The following PSTPIP2 variants were observed in gnomAD, a reference collection of about 807,000 sequenced individuals.
PSTPIP2 encodes the protein proline-serine-threonine phosphatase-interacting protein 2.
In PSTPIP2, 33 loss-of-function variants were observed where a neutral mutation model predicts 63.3. The observed-to-expected ratio is 0.52, with a 90% CI of 0.40 to 0.70. PSTPIP2 has a LOEUF of 0.70. PSTPIP2 is among the 30% of genes least tolerant of loss of function. PSTPIP2 has a pLI of 0.00. For missense variants in PSTPIP2, 312 were observed against 400.7 expected (o/e 0.78, Z 1.89); for synonymous variants, 125 against 132.7 (o/e 0.94, Z 0.40).
At chr18:46,021,848 C>CAAAAAAAAAAAAAAA (rs59094808) in intron 3 of PSTPIP2, among the ~76,000 whole-genome samples, 1 of 33,286 alleles carries the variant, frequency 3.0e-5, no homozygotes, top group African/African-American at 8.9e-5. Context: ...GACTCTGTCT[C>CAAAAAAAAAAAAAAA]AAAAAAAAAA....
chr18:46,050,984 T>C (rs554011382), intron 1 of PSTPIP2, among the ~76,000 whole-genome samples: 2 of 151,766 alleles, frequency 1.3e-5, no homozygotes, highest in Non-Finnish European at 2.9e-5. Flanking sequence ...TGCCTCAACC[T>C]CCCAAGTAGC....
chr18:45,997,363 ATT>A (rs531209329), intron 9 of PSTPIP2, among the ~76,000 whole-genome samples: 283 of 151,916 alleles, frequency 1.9e-3, no homozygotes, highest in African/African-American at 6.5e-3. Context: ...TAATTTTTGT[ATT>A]TTTAGTAGAG....
At chr18:46,044,322 G>A (rs1428957947) in intron 1 of PSTPIP2, among the ~76,000 whole-genome samples, 2 of 152,146 alleles carry the variant, frequency 1.3e-5, no homozygotes, top group African/African-American at 2.4e-5. Context: ...ATAGATCAAC[G>A]GAACAGAACA....
rs1195584809 is a variant in PSTPIP2, at chr18:46,011,248, T to A, written c.287A>T (p.Gln96Leu). 3.7e-6 allele frequency: 6 copies of A among 1,613,958 alleles called. No individual in the cohort carries two copies. Among genetic ancestry groups the A allele is most frequent in the Non-Finnish European group, 5.1e-6 (6 of 1,179,980 alleles). Residue 96 changes from glutamine to leucine, a missense_variant, in exon 5 of 15, where the codon CAG (glutamine) becomes CTG (leucine). By Grantham distance (113) the Gln-to-Leu change is moderately radical. Coordinates refer to ENST00000409746, the MANE Select transcript of PSTPIP2 (RefSeq NM_024430.4). ...NVAQCHIQLAQSLREEARKME... is the reference protein window; with the variant it reads ...NVAQCHIQLALSLREEARKME... Reference sequence around the variant, plus strand: ...CTTCCTGGCCTCTTCTCTTAAACTCTGTGCAAGCTGAATGTGACATTGTGC... The same window carrying A: ...CTTCCTGGCCTCTTCTCTTAAACTCAGTGCAAGCTGAATGTGACATTGTGC...
intron 1 of PSTPIP2, among the ~76,000 whole-genome samples, chr18:46,067,975 G>A (rs1909255063): frequency 6.6e-6 from 1 of 151,944 alleles, no homozygotes; most frequent in Non-Finnish European, 1.5e-5. Flanking sequence ...ACTCTGTGGT[G>A]TTAACCTGTA....
chr18:46,010,079 G>C (rs1409180642), intron 5 of PSTPIP2, among the ~76,000 whole-genome samples: 1 of 152,160 alleles, frequency 6.6e-6, no homozygotes, highest in African/African-American at 2.4e-5. Flanking sequence ...AAAAGCAGCT[G>C]GTGAAACAGC....
At chr18:46,016,928 C>A (rs1474329126) in intron 3 of PSTPIP2, among the ~76,000 whole-genome samples, 1 of 152,176 alleles carries the variant, frequency 6.6e-6, no homozygotes, top group African/African-American at 2.4e-5. Flanking sequence ...TTTTTTAAAT[C>A]ACCCAAGTTG....
intron 9 of PSTPIP2, among the ~76,000 whole-genome samples, chr18:45,995,908 C>T (rs574763740): frequency 8.5e-5 from 13 of 152,308 alleles, no homozygotes; most frequent in Admixed American, 2.6e-4. Context: ...CTCCACCTCC[C>T]GGGCTCAAGT....
chr18:46,002,378 C>T lies in PSTPIP2; in HGVS notation c.418-2844G>A, dbSNP rs536808905. On this transcript the variant is annotated intron_variant, in intron 6 of 14. Coordinates refer to ENST00000409746, the MANE Select transcript of PSTPIP2 (RefSeq NM_024430.4). The stretch of plus-strand genomic sequence containing the variant: ...TATCACAGAGACATTAGTGTTAGAT[C>T]TTTTCTTATAGTGCAAAAAGTCCCT... 2.0e-4 allele frequency among the ~76,000 whole-genome samples: 31 copies of T among 152,238 alleles called. 1 individual carries two copies. The South Asian group carries it at 3.9e-3, about 19-fold the overall frequency.
intron 2 of PSTPIP2, among the ~76,000 whole-genome samples, chr18:46,034,408 G>A (rs1907893433): frequency 6.6e-6 from 1 of 152,124 alleles, no homozygotes; most frequent in South Asian, 2.1e-4. Context: ...AAGTAAAGTG[G>A]AAAAACCATC....
At chr18:46,037,835 T>C (rs1908038624) in intron 2 of PSTPIP2, among the ~76,000 whole-genome samples, 1 of 152,232 alleles carries the variant, frequency 6.6e-6, no homozygotes, top group South Asian at 2.1e-4. Context: ...AACACAAGAC[T>C]GACTTCTTTT....
At chr18:46,043,191 G>T (rs1167182789) in intron 1 of PSTPIP2, among the ~76,000 whole-genome samples, 1 of 141,010 alleles carries the variant, frequency 7.1e-6, no homozygotes, top group Non-Finnish European at 1.5e-5. Flanking sequence ...TTCAAGACCA[G>T]CCTGGGCAAC....
chr18:45,999,305 C>A (rs191521719), intron 7 of PSTPIP2, 131 bp downstream of exon 7: 30 of 829,912 alleles, frequency 3.6e-5, no homozygotes, highest in Middle Eastern at 5.2e-4. Context: ...GTTCAGAAGA[C>A]CCCCAATACA....
rs1002440218 is a variant in PSTPIP2 at position 46,049,070 on chromosome 18, GGAGA to G, written c.34-9027_34-9024del. 2.7e-5 allele frequency among the ~76,000 whole-genome samples: 4 copies of G among 146,972 alleles called. No homozygotes were observed. In the Admixed American group the frequency reaches 2.7e-4, roughly 10 times the overall value. On this transcript the variant is annotated intron_variant, in intron 1 of 14. Coordinates refer to ENST00000409746, the MANE Select transcript of PSTPIP2 (RefSeq NM_024430.4). The stretch of plus-strand genomic sequence containing the variant: ...TGTGTGTGTGTGGAGAGAGAGAGAA[GGAGA>G]GAGAAAGGGACAGAACTTTTGAGAA...
intron 7 of PSTPIP2, 67 bp from the exon 8 acceptor site, chr18:45,998,906 G>A: frequency 6.4e-7 from 1 of 1,558,002 alleles, no homozygotes; most frequent in South Asian, 1.1e-5. Flanking sequence ...GCTTCCACAG[G>A]CAAAACAGAT....
At chr18:46,038,715 G>T (rs535538576) in intron 2 of PSTPIP2, among the ~76,000 whole-genome samples, 15 of 152,300 alleles carry the variant, frequency 9.8e-5, no homozygotes, top group African/African-American at 3.6e-4. Flanking sequence ...GCTCCACAGC[G>T]CTGACAGTAG....
intron 1 of PSTPIP2, among the ~76,000 whole-genome samples, chr18:46,051,569 T>C (rs1009787928): frequency 6.6e-6 from 1 of 152,320 alleles, no homozygotes; most frequent in Admixed American, 6.5e-5. Context: ...CCATTATTCC[T>C]GGAAACTTAA....
At chr18:46,022,153 AATTTCCT>A (rs1332260398) in intron 3 of PSTPIP2, among the ~76,000 whole-genome samples, 1 of 152,142 alleles carries the variant, frequency 6.6e-6, no homozygotes, top group East Asian at 1.9e-4. Flanking sequence ...TCTTTGTACT[AATTTCCT>A]ATGTCTGAGG....
At chr18:46,042,954 G>C (rs1908244326) in intron 1 of PSTPIP2, among the ~76,000 whole-genome samples, 1 of 152,112 alleles carries the variant, frequency 6.6e-6, no homozygotes, top group Non-Finnish European at 1.5e-5. Flanking sequence ...CTGTAGTCCA[G>C]CCACTCCTCT....
Sources: gnomAD v4.1 joint callset for allele counts (sites outside exome capture counted in the v4.1 genomes callset) on GRCh38, gnomAD v4.1.1 for gene constraint, MANE v1.5 for transcripts, NCBI Gene and HGNC (gene_info 2026-07-23, HGNC 2026-07-21) for gene names.